The following ALDH1L2 variants were observed in gnomAD, a reference collection of about 807,000 sequenced individuals.
The protein encoded by ALDH1L2 is aldehyde dehydrogenase 1 family member L2.
Under a neutral mutation model 111.0 loss-of-function variants are expected in ALDH1L2, and 91 were observed. The ratio of observed to expected loss-of-function variants is 0.82; its 90% CI spans 0.69 to 0.98. The LOEUF (loss-of-function observed/expected upper bound fraction) is 0.98, where lower values mean the gene tolerates loss of function less well. Among genes scored for constraint, ALDH1L2 ranks in the 50% least tolerant of loss-of-function variants. The pLI, the probability that ALDH1L2 is intolerant of heterozygous loss-of-function variation, is 0.00. For missense variants in ALDH1L2, 995 were observed against 1,126.8 expected (o/e 0.88, Z 1.67); for synonymous variants, 374 against 392.6 (o/e 0.95, Z 0.56).
At chr12:105,070,985 A>G (rs926372404) in intron 2 of ALDH1L2, among the ~76,000 whole-genome samples, 181 bp from the exon 3 acceptor site, 38 of 152,236 alleles carry the variant, frequency 2.5e-4, no homozygotes, top group African/African-American at 8.9e-4. Flanking sequence ...GGTGATACAT[A>G]TCTATATACT....
At chr12:105,058,308 G>A in intron 9 of ALDH1L2, 88 bp from the exon 10 acceptor site, 2 of 1,390,526 alleles carry the variant, frequency 1.4e-6, no homozygotes, top group Middle Eastern at 1.9e-4. Flanking sequence ...GTTGTTTTGA[G>A]GTAAGACTTA....
chr12:105,032,182 T>A (rs1189109708), intron 19 of ALDH1L2, among the ~76,000 whole-genome samples: 2 of 141,402 alleles, frequency 1.4e-5, no homozygotes, highest in African/African-American at 6.0e-5. Context: ...TTCTTTTTTT[T>A]TTTTTTTTTT....
rs1400643854 is a variant in ALDH1L2 at position 105,074,019 on chromosome 12, C to G, written c.49-14G>C. 6.2e-7 allele frequency: 1 copy of G among 1,613,930 alleles called. No individual in the cohort carries two copies. Among genetic ancestry groups the G allele is most frequent in the East Asian group, 2.2e-5 (1 of 44,866 alleles). ...TTTGAAATAAACCTGTGAAACAATT[C>G]AATGACGAAGACATAAGCATGGATA... On this transcript the variant is annotated splice_polypyrimidine_tract_variant and intron_variant, in intron 1 of 22. Coordinates refer to ENST00000258494, the MANE Select transcript of ALDH1L2 (RefSeq NM_001034173.4).
In ALDH1L2 at chr12:105,039,812, G is replaced by C; in HGVS notation, c.1952-6C>G. The C allele has an allele frequency of 6.2e-7, 1 of 1,613,354 alleles. No homozygotes were observed. Among genetic ancestry groups the C allele is most frequent in the East Asian group, 2.2e-5 (1 of 44,856 alleles). On this transcript the variant is annotated splice_region_variant and splice_polypyrimidine_tract_variant and intron_variant, in intron 16 of 22. Coordinates refer to ENST00000258494, the MANE Select transcript of ALDH1L2 (RefSeq NM_001034173.4). ...ACGTTGTCCTGCTATGCCACCTGTAGAATTAGGGAATAAAACGGGAATTAA... is the reference window on the plus strand; with the variant it reads ...ACGTTGTCCTGCTATGCCACCTGTACAATTAGGGAATAAAACGGGAATTAA...
intron 11 of ALDH1L2, 107 bp from the exon 12 acceptor site, chr12:105,052,324 A>C: frequency 8.5e-7 from 1 of 1,172,606 alleles, no homozygotes; most frequent in East Asian, 2.9e-5. Context: ...ATTTTAAAAA[A>C]AGTTATGATA....
At chr12:105,052,998 AAAG>A (rs1876392190) in intron 10 of ALDH1L2, 67 bp from the exon 11 acceptor site, 1 of 1,558,078 alleles carries the variant, frequency 6.4e-7, no homozygotes, top group African/African-American at 1.3e-5. Flanking sequence ...AAACAGCAAT[AAAG>A]AAGCATATTC....
chr12:105,080,860 T>G (rs1878304357), intron 1 of ALDH1L2, among the ~76,000 whole-genome samples: 1 of 152,234 alleles, frequency 6.6e-6, no homozygotes. Flanking sequence ...CATTGAGATA[T>G]CATGAGGATT....
intron 1 of ALDH1L2, among the ~76,000 whole-genome samples, chr12:105,075,614 T>C (rs768822878): frequency 1.9e-4 from 29 of 152,136 alleles, no homozygotes; most frequent in Non-Finnish European, 3.7e-4. Context: ...AAAGAAACCA[T>C]GTCAGTATCT....
intron 9 of ALDH1L2, among the ~76,000 whole-genome samples, chr12:105,060,116 G>A (rs1270981138): frequency 6.6e-6 from 1 of 151,936 alleles, no homozygotes; most frequent in East Asian, 1.9e-4. Flanking sequence ...ACTTGTCCTT[G>A]CAAGTAGCCT....
intron 3 of ALDH1L2, among the ~76,000 whole-genome samples, 154 bp from the exon 4 acceptor site, chr12:105,069,038 G>T (rs780296180): frequency 1.5e-4 from 23 of 152,154 alleles, no homozygotes; most frequent in South Asian, 1.0e-3. Flanking sequence ...AGACGTCAGG[G>T]CTCATAAAAA....
chr12:105,074,611 C>T (rs563703547), intron 1 of ALDH1L2, among the ~76,000 whole-genome samples: 23 of 152,108 alleles, frequency 1.5e-4, no homozygotes, highest in Non-Finnish European at 2.9e-4. Context: ...TGTGGCTCCA[C>T]GGGGATCTGA....
Position 105,062,845 on chromosome 12 carries a change from A to C in ALDH1L2, c.921+43T>G, listed in dbSNP as rs1441383455. On this transcript the variant is annotated intron_variant, in intron 7 of 22. Coordinates refer to ENST00000258494, the MANE Select transcript of ALDH1L2 (RefSeq NM_001034173.4). Reference sequence around the variant, plus strand: ...CCTTAATAGCTTGGGTTATAGAAGAAAATCAAAAGGTTATTTCATAGGCAG... The same window carrying C: ...CCTTAATAGCTTGGGTTATAGAAGACAATCAAAAGGTTATTTCATAGGCAG... The C allele has an allele frequency of 1.9e-6, 3 of 1,587,008 alleles. No homozygotes were observed. In the African/African-American group the frequency reaches 4.1e-5, roughly 22 times the overall value.
intron 9 of ALDH1L2, among the ~76,000 whole-genome samples, chr12:105,060,168 G>C (rs1243550508): frequency 4.0e-5 from 6 of 151,828 alleles, no homozygotes; most frequent in African/African-American, 1.5e-4. Context: ...GTAATTTATG[G>C]GGGGGGCGAG....
chr12:105,052,950 T>C lies in ALDH1L2; in HGVS notation c.1288-19A>G, dbSNP rs1363357383. On this transcript the variant is annotated intron_variant, in intron 10 of 22. Coordinates refer to ENST00000258494, the MANE Select transcript of ALDH1L2 (RefSeq NM_001034173.4). ...TTGAAATCTGAGAGAAGTATATTAA[T>C]AGATTCAATGGATTTCCGTGTTTAC... The C allele has an allele frequency of 1.9e-6, 3 of 1,611,698 alleles. No homozygotes were observed. Among genetic ancestry groups the C allele is most frequent in the Non-Finnish European group, 2.5e-6 (3 of 1,178,186 alleles).
chr12:105,041,383 A>C (rs1875523324), intron 15 of ALDH1L2, among the ~76,000 whole-genome samples: 1 of 152,230 alleles, frequency 6.6e-6, no homozygotes, highest in African/African-American at 2.4e-5. Flanking sequence ...TTTTGGGAAC[A>C]ATGCCACCGG....
chr12:105,077,602 T>G (rs1592812623), intron 1 of ALDH1L2, among the ~76,000 whole-genome samples: 1 of 152,188 alleles, frequency 6.6e-6, no homozygotes, highest in East Asian at 1.9e-4. Context: ...GAGAACATTC[T>G]TCACTAGAGG....
chr12:105,068,810 A>T lies in ALDH1L2; in HGVS notation c.503T>A (p.Ile168Asn), dbSNP rs1877519954. The T allele has an allele frequency of 6.2e-6, 10 of 1,610,194 alleles. No homozygotes were observed. Among genetic ancestry groups the T allele is most frequent in the Non-Finnish European group, 8.5e-6 (10 of 1,178,280 alleles). Residue 168 changes from isoleucine to asparagine, a missense_variant, in exon 4 of 23, where the codon ATC becomes AAC. By Grantham distance (149) the Ile-to-Asn change is moderately radical. Coordinates refer to ENST00000258494, the MANE Select transcript of ALDH1L2 (RefSeq NM_001034173.4). ...WADDGLDTGP[I>N]LLQRSCDVEP... The stretch of plus-strand genomic sequence containing the variant: ...AACATCACATGATCTCTGAAGAAGG[A>T]TGGGTCCTGTATCCAAGCCATCATC...
At chr12:105,070,444 C>T in intron 3 of ALDH1L2, 126 bp downstream of exon 3, 3 of 776,774 alleles carry the variant, frequency 3.9e-6, no homozygotes, top group Non-Finnish European at 6.0e-6. Context: ...CTGGCACAAT[C>T]CTGAAATCTC....
chr12:105,041,043 G>A (rs1366104850), intron 15 of ALDH1L2, among the ~76,000 whole-genome samples: 1 of 152,142 alleles, frequency 6.6e-6, no homozygotes, highest in South Asian at 2.1e-4. Flanking sequence ...ATACTTCTGT[G>A]TGCATTTTCT....
Sources: allele counts gnomAD v4.1 joint callset (sites outside exome capture counted in the v4.1 genomes callset), GRCh38; gene constraint gnomAD v4.1.1; transcripts MANE v1.5; gene names NCBI Gene and HGNC (gene_info 2026-07-23, HGNC 2026-07-21).